The following ZSCAN25 variants were observed in gnomAD, a reference collection of about 807,000 sequenced individuals.
ZSCAN25 encodes zinc finger and SCAN domain-containing protein 25.
Under a neutral mutation model 38.7 loss-of-function variants are expected in ZSCAN25, and 27 were observed. The ratio of observed to expected loss-of-function variants is 0.70; its 90% confidence interval spans 0.51 to 0.96. The LOEUF is 0.96. ZSCAN25 is among the 40% of genes least tolerant of loss of function. The pLI, the probability that ZSCAN25 is intolerant of heterozygous loss-of-function variation, is 0.00. For synonymous variants in ZSCAN25, 273 were observed against 277.7 expected (o/e 0.98, Z 0.17); for missense variants, 637 against 705.9 (o/e 0.90, Z 1.11).
the ZSCAN25 span, among the ~76,000 whole-genome samples, chr7:99,667,785 A>C: frequency 6.6e-6 from 1 of 152,208 alleles, no homozygotes; most frequent in Admixed American, 6.5e-5. Flanking sequence ...AGAGAGAGAC[A>C]GTTCCTTCAT....
rs144527205 is a variant in ZSCAN25 at position 99,629,457 on chromosome 7, A to G, written c.1072A>G (p.Ser358Gly). Residue 358 changes from serine to glycine, a missense_variant, in exon 8 of 8, where the codon AGT (serine) becomes GGT (glycine). Transcript: ENST00000394152. This position sits in a 1 kb window ranked among gnomAD's most constrained non-coding sequence, Gnocchi z 5.6. The stretch of plus-strand genomic sequence containing the variant: ...GTGCCCTGAGTGTGGGAAAGGATTC[A>G]GTCGGAGCTCCAATCTCGTCAGGCA... ...FQCPECGKGFSRSSNLVRHQR... is the reference protein window; with the variant it reads ...FQCPECGKGFGRSSNLVRHQR... 1 of 1,614,122 alleles carries G rather than the reference A, an allele frequency of 6.2e-7. No homozygotes were observed. The highest frequency in any genetic ancestry group is 8.5e-7 in the Non-Finnish European group (1 of 1,180,044).
At chr7:99,716,190 A>G in the ZSCAN25 span, among the ~76,000 whole-genome samples, 1 of 152,190 alleles carries the variant, frequency 6.6e-6, no homozygotes, top group Non-Finnish European at 1.5e-5. Flanking sequence ...CCACTATCAG[A>G]CAACTGCAGT....
chr7:99,717,152 A>G, the ZSCAN25 span: 1 of 1,613,456 alleles, frequency 6.2e-7, no homozygotes. Flanking sequence ...ACAGCTCAGA[A>G]CCCCATGGCT....
chr7:99,662,123 G>A, the ZSCAN25 span, among the ~76,000 whole-genome samples: 1 of 152,238 alleles, frequency 6.6e-6, no homozygotes. The surrounding 1 kb of genome is among the most constrained non-coding windows in gnomAD (Gnocchi z 4.3). Flanking sequence ...ACATGGACAT[G>A]TTTAAAGTGG....
the ZSCAN25 span, among the ~76,000 whole-genome samples, chr7:99,729,734 C>T: frequency 6.6e-6 from 1 of 152,090 alleles, no homozygotes; most frequent in African/African-American, 2.4e-5. Flanking sequence ...CACCTTGTGG[C>T]CCCCTCCACT....
the ZSCAN25 span, chr7:99,666,926 A>G: frequency 4.3e-6 from 7 of 1,610,064 alleles, no homozygotes; most frequent in Admixed American, 6.7e-5. Flanking sequence ...TTACATTTCT[A>G]ATTAAGACTC....
the ZSCAN25 span, among the ~76,000 whole-genome samples, chr7:99,703,258 T>G: frequency 1.6e-4 from 24 of 152,346 alleles, no homozygotes; most frequent in Admixed American, 1.6e-3. Context: ...TTTGAACATT[T>G]TCTTGCTTCC....
chr7:99,719,630 TA>T, the ZSCAN25 span, among the ~76,000 whole-genome samples: 2 of 151,850 alleles, frequency 1.3e-5, no homozygotes, highest in Admixed American at 6.6e-5. Context: ...CTCCTCAAAA[TA>T]AAAAAAGTTT....
the ZSCAN25 span, among the ~76,000 whole-genome samples, chr7:99,697,377 A>G: frequency 6.6e-6 from 1 of 152,208 alleles, no homozygotes; most frequent in African/African-American, 2.4e-5. Flanking sequence ...GATGGCAGAC[A>G]TCACCAGCCA....
At position 99,630,228 on chromosome 7, in the gene ZSCAN25, TC is replaced by T. The variant is rs1191997185; in HGVS notation, c.*210del. 44 of 1,348,596 alleles carry T rather than the reference TC, an allele frequency of 3.3e-5. No individual in the cohort carries two copies. In the African/African-American group the frequency reaches 6.2e-4, roughly 19 times the overall value. 83.5% of individuals were successfully genotyped at this position (1,348,596 alleles called of 1,614,324 possible). Reference sequence around the variant, plus strand: ...CCAAGTGGTGCTAAACAATTTTTCTTCCAATGTTTGAGGGAAGCAGTCTCCT... The same window carrying T: ...CCAAGTGGTGCTAAACAATTTTTCTTCAATGTTTGAGGGAAGCAGTCTCCT... On this transcript the variant is annotated 3_prime_UTR_variant, in exon 8 of 8. Coordinates refer to ENST00000394152, the MANE Select transcript of ZSCAN25 (RefSeq NM_145115.3).
rs1044612506 is a variant in ZSCAN25, at chr7:99,629,883, C to T, written c.1498C>T (p.Arg500Trp). ...VCGKRFSKGE[R>W]LVRHQRIHTG... ...CGGGAAGCGGTTCAGCAAAGGGGAG[C>T]GGCTGGTCCGACACCAGAGAATCCA... Residue 500 changes from arginine (R) to tryptophan (W), a missense_variant, in exon 8 of 8, where the codon CGG becomes TGG. Arg to Trp is a moderately radical substitution (Grantham distance 101). Coordinates refer to ENST00000394152, the MANE Select transcript of ZSCAN25 (RefSeq NM_145115.3). The surrounding 1 kb of genome is among the most constrained non-coding windows in gnomAD (Gnocchi z 5.6). 3.1e-6 allele frequency: 5 copies of T among 1,614,092 alleles called. No individual in the cohort carries two copies. Among genetic ancestry groups the T allele is most frequent in the South Asian group, 1.1e-5 (1 of 91,088 alleles).
At chr7:99,650,323 C>T in the ZSCAN25 span, 371 of 1,197,740 alleles carry the variant, frequency 3.1e-4, 2 homozygotes, top group African/African-American at 3.1e-3. Context: ...CAACCCCCCT[C>T]CACCTCCCAA....
chr7:99,640,849 A>C, the ZSCAN25 span, among the ~76,000 whole-genome samples: 1 of 152,222 alleles, frequency 6.6e-6, no homozygotes, highest in Non-Finnish European at 1.5e-5. Context: ...GAAATGCATG[A>C]GTAGTATATG....
At chr7:99,679,651 T>C in the ZSCAN25 span, among the ~76,000 whole-genome samples, 3 of 152,242 alleles carry the variant, frequency 2.0e-5, no homozygotes, top group Non-Finnish European at 2.9e-5. Context: ...TGCTTATTTA[T>C]TCATTCATAG....
the ZSCAN25 span, among the ~76,000 whole-genome samples, chr7:99,688,970 A>G: frequency 6.6e-6 from 1 of 152,172 alleles, no homozygotes; most frequent in Non-Finnish European, 1.5e-5. Flanking sequence ...TGAAACCAAC[A>G]AGAACAAAGA....
At chr7:99,648,397 G>A in the ZSCAN25 span, 16 of 1,601,842 alleles carry the variant, frequency 1.0e-5, no homozygotes, top group East Asian at 2.3e-4. Flanking sequence ...AATTTCAAGG[G>A]GATCTACAAT....
At chr7:99,702,020 G>C in the ZSCAN25 span, among the ~76,000 whole-genome samples, 1 of 151,516 alleles carries the variant, frequency 6.6e-6, no homozygotes, top group Non-Finnish European at 1.5e-5. Flanking sequence ...TTTTTGTTCA[G>C]ACCAATGTCC....
chr7:99,639,018 C>T, the ZSCAN25 span, among the ~76,000 whole-genome samples: 714 of 152,372 alleles, frequency 4.7e-3, 4 homozygotes, highest in African/African-American at 0.016. Context: ...TGAGGCACGG[C>T]CCGGCTGTCC....
chr7:99,681,974 G>T, the ZSCAN25 span, among the ~76,000 whole-genome samples: 7 of 151,856 alleles, frequency 4.6e-5, no homozygotes, highest in Non-Finnish European at 7.4e-5. Flanking sequence ...TTGTTTTTTT[G>T]TTTTTTGTTT....
Sources: gnomAD v4.1 joint callset for allele counts (sites outside exome capture counted in the v4.1 genomes callset) on GRCh38, gnomAD v4.1.1 for gene constraint, Gnocchi (gnomAD v3.1) non-coding constraint, MANE v1.5 for transcripts, NCBI Gene and HGNC (gene_info 2026-07-23, HGNC 2026-07-21) for gene names.